PITPNC1: variants seen among roughly 807,000 people sequenced by gnomAD.
PITPNC1 encodes the protein phosphatidylinositol transfer protein cytoplasmic 1, also known as cytoplasmic phosphatidylinositol transfer protein 1.
A neutral mutation model predicts 44.7 loss-of-function variants in PITPNC1; 18 were observed. That is an observed-to-expected ratio of 0.40 (90% CI 0.28 to 0.60). The LOEUF (loss-of-function observed/expected upper bound fraction) is 0.60. Among genes scored for constraint, PITPNC1 ranks in the 20% least tolerant of loss-of-function variants. The pLI is 0.39. For synonymous variants in PITPNC1, 141 were observed against 149.6 expected (o/e 0.94, Z 0.42); for missense variants, 290 against 418.4 (o/e 0.69, Z 2.68).
At chr17:67,497,726 CTA>C (rs1282366564) in intron 1 of PITPNC1, among the ~76,000 whole-genome samples, 3 of 151,802 alleles carry the variant, frequency 2.0e-5, no homozygotes, top group African/African-American at 7.3e-5. Context: ...CATGGTTTCG[CTA>C]TGTTTTCCAG....
intron 1 of PITPNC1, among the ~76,000 whole-genome samples, chr17:67,443,633 CTT>C (rs5821477): frequency 7.3e-5 from 9 of 122,546 alleles, no homozygotes; most frequent in Non-Finnish European, 8.3e-5. Flanking sequence ...GGACACTGGT[CTT>C]TTTTTTTTTT....
chr17:67,383,930 G>C (rs1260016309), intron 1 of PITPNC1, among the ~76,000 whole-genome samples: 1 of 152,138 alleles, frequency 6.6e-6, no homozygotes, highest in Non-Finnish European at 1.5e-5. Flanking sequence ...CCAGGTACTT[G>C]GGAGGGTGAG....
intron 1 of PITPNC1, among the ~76,000 whole-genome samples, chr17:67,398,445 G>A (rs1420886460): frequency 6.6e-6 from 1 of 152,134 alleles, no homozygotes; most frequent in African/African-American, 2.4e-5. Flanking sequence ...TATGGCGGAG[G>A]AGGCAAAACT....
intron 1 of PITPNC1, among the ~76,000 whole-genome samples, chr17:67,389,090 G>C (rs2038098649): frequency 6.6e-6 from 1 of 152,152 alleles, no homozygotes; most frequent in Admixed American, 6.6e-5. Context: ...CTGGAGCTTG[G>C]AGTTGTCTTC....
At position 67,672,931 on chromosome 17, in the gene PITPNC1, C is replaced by T. The variant is rs986031920; in HGVS notation, c.619-2548C>T. On this transcript the variant is annotated intron_variant, in intron 7 of 8. Transcript: ENST00000581322. The stretch of plus-strand genomic sequence containing the variant: ...TTAAGGGGAAAAAAATGTTCGAAAG[C>T]GAGCCATGAGCACATTATTGAATTC... 2.6e-5 allele frequency among the ~76,000 whole-genome samples: 4 copies of T among 152,016 alleles called. No homozygotes were observed. In the South Asian group the frequency reaches 6.2e-4, roughly 24 times the overall value.
Position 67,377,451 on chromosome 17 carries a change from G to T in PITPNC1, c.-704G>T. On this transcript the variant is annotated 5_prime_UTR_variant, in exon 1 of 9. Transcript: ENST00000581322. ...CCTCCCGCCCGCCCCTGGCAGCCGC[G>T]AGCCGAGGTTGGAGGCGCCCGGGGC... 6.5e-6 allele frequency: 1 copy of T among 152,978 alleles called. No homozygotes were observed. The highest frequency in any genetic ancestry group is 1.8e-4 in the South Asian group (1 of 5,626). The allele number at this position is 152,978 out of a possible 1,614,324, so 9.5% of individuals were successfully genotyped here.
In PITPNC1 at chr17:67,381,578, T is replaced by TGCCTCAGCCTCCC. The variant is rs1251601316; in HGVS notation, c.48+3378_48+3390dup. Among the ~76,000 whole-genome samples, 111 of 151,508 alleles carry TGCCTCAGCCTCCC rather than the reference T, an allele frequency of 7.3e-4. 1 individual carries two copies. Among genetic ancestry groups the TGCCTCAGCCTCCC allele is most frequent in the Middle Eastern group, 3.4e-3 (1 of 294 alleles). ...ACCTCCCGGGTTCACGCGAGTCTCC[T>TGCCTCAGCCTCCC]GCCTCAGCCTCCCGAGTAGCTGGGA... On this transcript the variant is annotated intron_variant, in intron 1 of 8. Coordinates refer to ENST00000581322, the MANE Select transcript of PITPNC1 (RefSeq NM_012417.4).
chr17:67,607,193 C>T (rs2041619045), intron 5 of PITPNC1, among the ~76,000 whole-genome samples: 2 of 152,312 alleles, frequency 1.3e-5, no homozygotes, highest in South Asian at 2.1e-4. Context: ...GGCAGAGCGT[C>T]GTTCCAGCAC....
At chr17:67,677,556 A>G (rs538052582) in intron 8 of PITPNC1, among the ~76,000 whole-genome samples, 6 of 151,782 alleles carry the variant, frequency 4.0e-5, no homozygotes, top group Non-Finnish European at 7.4e-5. Flanking sequence ...AGGGCAAGGA[A>G]GAGACTTAGG....
chr17:67,488,802 G>C (rs1176079088), intron 1 of PITPNC1, among the ~76,000 whole-genome samples: 2 of 152,154 alleles, frequency 1.3e-5, no homozygotes, highest in African/African-American at 4.8e-5. Flanking sequence ...CCCTGAGTTT[G>C]ACTACTCTAG....
intron 5 of PITPNC1, among the ~76,000 whole-genome samples, chr17:67,602,512 T>G (rs1003643791): frequency 6.6e-6 from 1 of 152,138 alleles, no homozygotes; most frequent in Non-Finnish European, 1.5e-5. Flanking sequence ...GTTGATGGGC[T>G]GCCCATGTGG....
Position 67,648,974 on chromosome 17 carries a change from C to T in PITPNC1, c.462+16736C>T, listed in dbSNP as rs377551169. ...TTTGAGACCAGCCCAGACAATATAG[C>T]AACAGCCCATCTACAAAATATTTTT... is the stretch of plus-strand genomic sequence containing the variant. On this transcript the variant is annotated intron_variant, in intron 6 of 8. Transcript: ENST00000581322. Among the ~76,000 whole-genome samples, 3 of 152,068 alleles carry T rather than the reference C, an allele frequency of 2.0e-5. No individual in the cohort carries two copies. In the South Asian group the frequency reaches 6.2e-4, roughly 32 times the overall value.
chr17:67,393,771 T>C (rs1464641017), intron 1 of PITPNC1, among the ~76,000 whole-genome samples: 1 of 152,196 alleles, frequency 6.6e-6, no homozygotes, highest in Non-Finnish European at 1.5e-5. Context: ...CTAAAGACAG[T>C]GCTGTAGCAG....
At chr17:67,570,080 G>A (rs954301477) in intron 4 of PITPNC1, among the ~76,000 whole-genome samples, 1 of 152,078 alleles carries the variant, frequency 6.6e-6, no homozygotes, top group African/African-American at 2.4e-5. Flanking sequence ...TGGCCTCAAG[G>A]GTTCCCAACT....
intron 5 of PITPNC1, among the ~76,000 whole-genome samples, chr17:67,598,598 G>C (rs550106591): frequency 3.4e-4 from 51 of 152,234 alleles, no homozygotes; most frequent in African/African-American, 1.1e-3. Context: ...ACAACTAGAA[G>C]TTGCTATCTG....
chr17:67,383,086 C>T (rs1215476129), intron 1 of PITPNC1, among the ~76,000 whole-genome samples: 1 of 151,960 alleles, frequency 6.6e-6, no homozygotes, highest in South Asian at 2.1e-4. Context: ...ACCTCTGCCT[C>T]CCGAGTTCAA....
At chr17:67,596,277 A>AACCATC (rs2041458380) in intron 5 of PITPNC1, among the ~76,000 whole-genome samples, 2 of 152,292 alleles carry the variant, frequency 1.3e-5, no homozygotes, top group African/African-American at 4.8e-5. Flanking sequence ...ATTTGCTTGG[A>AACCATC]ACCATCTGGG....
Position 67,378,149 on chromosome 17 carries a change from A to G in PITPNC1, c.-6A>G. The G allele has an allele frequency of 1.3e-6, 2 of 1,537,130 alleles. No individual in the cohort carries two copies. The highest frequency in any genetic ancestry group is 1.7e-6 in the Non-Finnish European group (2 of 1,144,580). On this transcript the variant is annotated 5_prime_UTR_variant, in exon 1 of 9. Coordinates refer to ENST00000581322, the MANE Select transcript of PITPNC1 (RefSeq NM_012417.4). ...CCCGCCCCGGGGGTCCGCGGCCGGC[A>G]GGACCATGCTGCTGAAAGAGTACCG...
intron 5 of PITPNC1, chr17:67,613,457 G>A (rs995214407): frequency 1.3e-5 from 2 of 152,108 alleles, no homozygotes; most frequent in Non-Finnish European, 2.9e-5. Flanking sequence ...TATAAATAAC[G>A]TTAAAAAAGA....
Sources: gnomAD v4.1 joint callset for allele counts (sites outside exome capture counted in the v4.1 genomes callset) on GRCh38, gnomAD v4.1.1 for gene constraint, MANE v1.5 for transcripts, NCBI Gene and HGNC (gene_info 2026-07-23, HGNC 2026-07-21) for gene names.